The following LAMC1 variants were observed in gnomAD, a reference collection of about 807,000 sequenced individuals.
LAMC1 encodes laminin subunit gamma 1, also known as laminin subunit gamma-1.
Under a neutral mutation model 173.6 loss-of-function variants are expected in LAMC1, and 38 were observed. The observed-to-expected ratio is 0.22, with a 90% CI of 0.17 to 0.29. The LOEUF is 0.29. Among genes scored for constraint, LAMC1 ranks in the 10% least tolerant of loss-of-function variants. The pLI is 1.00. For synonymous variants in LAMC1, 746 were observed against 749.1 expected, an observed-to-expected ratio of 1.00 and a Z score of 0.07; for missense variants, 1,824 against 2,051.8, an observed-to-expected ratio of 0.89 and a Z score of 2.14.
At chr1:183,142,409 C>G (rs917821971) in intron 27 of LAMC1, 125 bp from the exon 28 acceptor site, 2 of 969,664 alleles carry the variant, frequency 2.1e-6, no homozygotes, top group Non-Finnish European at 3.0e-6. Flanking sequence ...ATCTGCAAGT[C>G]ACATTTGCCG....
intron 1 of LAMC1, among the ~76,000 whole-genome samples, chr1:183,032,812 ATTGT>A (rs983310927): frequency 7.2e-5 from 11 of 152,068 alleles, no homozygotes; most frequent in African/African-American, 1.7e-4. Context: ...AACCAGAATG[ATTGT>A]TTGTGGCAGT....
chr1:183,137,014 C>A (rs889783955), intron 25 of LAMC1, among the ~76,000 whole-genome samples: 1 of 152,128 alleles, frequency 6.6e-6, no homozygotes, highest in Non-Finnish European at 1.5e-5. Context: ...GAGAGACTTC[C>A]CATAGCTGCC....
In LAMC1 at chr1:183,062,889, G is replaced by C. The variant is rs140360620; in HGVS notation, c.418+38755G>C. Among the ~76,000 whole-genome samples, 1,125 of 152,264 alleles carry C rather than the reference G, an allele frequency of 7.4e-3. 7 individuals are homozygous for C. The highest frequency in any genetic ancestry group is 0.027 in the Middle Eastern group (8 of 294). On this transcript the variant is annotated intron_variant, in intron 1 of 27. Transcript: ENST00000258341. ...GAATTGTTTGAACCCAGGAGGCAGA[G>C]TTGCAGTGAGTCAGCATCACACCAC...
rs971059742 is a variant in LAMC1, at chr1:183,113,860, A to G, written c.1022-671A>G. On this transcript the variant is annotated intron_variant, in intron 4 of 27. Coordinates refer to ENST00000258341, the MANE Select transcript of LAMC1 (RefSeq NM_002293.4). ...GCACTTTGTTTTTGGAGTTGATACT[A>G]GAATAAAGGCTAAAGATTCAGGAGA... is the stretch of plus-strand genomic sequence containing the variant. 4.6e-5 allele frequency among the ~76,000 whole-genome samples: 7 copies of G among 152,242 alleles called. No individual in the cohort carries two copies. In the South Asian group the frequency reaches 1.0e-3, roughly 23 times the overall value.
chr1:183,053,066 A>G (rs1051069622), intron 1 of LAMC1, among the ~76,000 whole-genome samples: 1 of 152,170 alleles, frequency 6.6e-6, no homozygotes, highest in Admixed American at 6.5e-5. Flanking sequence ...TTTCCTGTCC[A>G]AGGAGGGAGA....
chr1:183,121,545 T>G (rs1299362952), intron 11 of LAMC1, among the ~76,000 whole-genome samples, 178 bp from the exon 12 acceptor site: 3 of 152,232 alleles, frequency 2.0e-5, no homozygotes, highest in African/African-American at 7.2e-5. Context: ...TGCTGTTTTC[T>G]AATTCTCTTC....
intron 14 of LAMC1, 94 bp from the exon 15 acceptor site, chr1:183,125,303 A>C: frequency 7.2e-7 from 1 of 1,386,538 alleles, no homozygotes; most frequent in Non-Finnish European, 1.0e-6. Flanking sequence ...CCAACCTGGC[A>C]ACACAGGTCT....
Position 183,108,393 on chromosome 1 carries a change from G to C in LAMC1, c.841G>C (p.Ala281Pro). The C allele has an allele frequency of 6.2e-7, 1 of 1,612,592 alleles. No individual in the cohort carries two copies. The highest frequency in any genetic ancestry group is 8.5e-7 in the Non-Finnish European group (1 of 1,179,162). Residue 281 changes from alanine to proline, a missense_variant, in exon 3 of 28, where the codon GCT (alanine) becomes CCT (proline). Physicochemically the swap from Ala to Pro is conservative, Grantham distance 27. Transcript: ENST00000258341. Reference protein sequence around the residue: ...KSYYYAISDFAVGGRCKCNGH... With the variant: ...KSYYYAISDFPVGGRCKCNGH... ...CTATTATTATGCCATCTCTGATTTTGCTGTAGGTGGCAGGTAAGTAAACTA... is the reference window on the plus strand; with the variant it reads ...CTATTATTATGCCATCTCTGATTTTCCTGTAGGTGGCAGGTAAGTAAACTA...
At chr1:183,070,366 C>T (rs72729410) in intron 1 of LAMC1, among the ~76,000 whole-genome samples, 12 of 152,238 alleles carry the variant, frequency 7.9e-5, no homozygotes, top group Non-Finnish European at 1.6e-4. Flanking sequence ...AGAGCTGAAC[C>T]TCTTCTGCTG....
intron 1 of LAMC1, among the ~76,000 whole-genome samples, chr1:183,036,396 CTTTTTTTT>C (rs768370901): frequency 5.2e-5 from 5 of 96,594 alleles, no homozygotes; most frequent in Non-Finnish European, 1.0e-4. Flanking sequence ...CCACGCCAGT[CTTTTTTTT>C]TTTTTTTTTT....
chr1:183,126,215 A>G lies in LAMC1; in HGVS notation c.2897A>G (p.Glu966Gly). The G allele has an allele frequency of 6.2e-6, 10 of 1,614,162 alleles. No individual in the cohort carries two copies. The highest frequency in any genetic ancestry group is 1.6e-4 in the Middle Eastern group (1 of 6,062). The change falls in exon 16 of 28, where the codon GAG (glutamate) becomes GGG (glycine). Residue 966 changes from glutamate to glycine, a missense_variant. Transcript: ENST00000258341. ...CQPGITGQHCERCEVNHFGFG... is the reference protein window; with the variant it reads ...CQPGITGQHCGRCEVNHFGFG... Reference sequence around the variant, plus strand: ...CCCGGCATCACTGGTCAGCACTGTGAGCGCTGTGAGGTCAACCACTTTGGG... The same window carrying G: ...CCCGGCATCACTGGTCAGCACTGTGGGCGCTGTGAGGTCAACCACTTTGGG...
rs1371994032 is a variant in LAMC1, at chr1:183,122,057, A to C, written c.2213-6A>C. On this transcript the variant is annotated splice_region_variant and splice_polypyrimidine_tract_variant and intron_variant, in intron 12 of 27. Transcript: ENST00000258341. ...GCCTGTTTTCTCACGCCTGCCTTCC[A>C]AATAGGTGTTTGTAACTGCAGAGAC... The C allele has an allele frequency of 2.5e-6, 4 of 1,612,054 alleles. No individual in the cohort carries two copies. The highest frequency in any genetic ancestry group is 3.4e-6 in the Non-Finnish European group (4 of 1,178,360).
chr1:183,110,481 T>G lies in LAMC1; in HGVS notation c.855-7T>G. ...TCCATTTTTTGGAGTATCTCTTCTCTCCCCAGATGTAAATGTAATGGACAC... is the reference window on the plus strand; with the variant it reads ...TCCATTTTTTGGAGTATCTCTTCTCGCCCCAGATGTAAATGTAATGGACAC... On this transcript the variant is annotated splice_polypyrimidine_tract_variant and splice_region_variant and intron_variant, in intron 3 of 27. Transcript: ENST00000258341. 6.3e-7 allele frequency: 1 copy of G among 1,599,908 alleles called. No homozygotes were observed. Among genetic ancestry groups the G allele is most frequent in the Non-Finnish European group, 8.5e-7 (1 of 1,170,292 alleles).
rs139510086 is a variant in LAMC1, at chr1:183,130,193, A to T, written c.3281-151A>T. The T allele has an allele frequency of 3.6e-3, 2,378 of 654,436 alleles. 8 individuals are homozygous for T. The highest frequency in any genetic ancestry group is 5.5e-3 in the Non-Finnish European group (2,056 of 376,394). The allele number at this position is 654,436 out of a possible 1,614,324, so 40.5% of individuals were successfully genotyped here. On this transcript the variant is annotated intron_variant, in intron 18 of 27. Coordinates refer to ENST00000258341, the MANE Select transcript of LAMC1 (RefSeq NM_002293.4). Reference sequence around the variant, plus strand: ...GTGAAGGACCTACTGGGTGTGGTAAAGGCTGTCCAGCTATGGCAGGGGCTT... The same window carrying T: ...GTGAAGGACCTACTGGGTGTGGTAATGGCTGTCCAGCTATGGCAGGGGCTT...
chr1:183,039,172 A>G (rs1654060973), intron 1 of LAMC1, among the ~76,000 whole-genome samples: 1 of 149,698 alleles, frequency 6.7e-6, no homozygotes, highest in Non-Finnish European at 1.5e-5. Context: ...ATTCTGGATC[A>G]TGATCTGATA....
intron 15 of LAMC1, 152 bp downstream of exon 15, chr1:183,125,702 G>A (rs554481179): frequency 3.3e-6 from 2 of 610,682 alleles, no homozygotes; most frequent in African/African-American, 1.9e-5. Context: ...CTGGAGAATT[G>A]TAATAAAGCT....
intron 13 of LAMC1, among the ~76,000 whole-genome samples, chr1:183,123,904 A>G (rs997109826): frequency 6.6e-6 from 1 of 152,192 alleles, no homozygotes; most frequent in Non-Finnish European, 1.5e-5. Flanking sequence ...TTCAGGCCCT[A>G]CTGGTTACAA....
At position 183,134,713 on chromosome 1, in the gene LAMC1, C is replaced by T. The variant is rs141160447; in HGVS notation, c.3903C>T (p.Asp1301=). 9.9e-5 allele frequency: 159 copies of T among 1,612,718 alleles called. No homozygotes were observed. In the African/African-American group the frequency reaches 1.7e-3, roughly 17 times the overall value. Residue 1301 remains aspartate (D), a synonymous_variant, in exon 23 of 28, where the codon GAC becomes GAT. Coordinates refer to ENST00000258341, the MANE Select transcript of LAMC1 (RefSeq NM_002293.4). ...MEAENLEQLI[D]QKLKDYEDLR... ...CTGAGAATCTGGAACAACTGATTGA[C>T]CAGAAATTAAAAGATTATGAGGACC...
intron 27 of LAMC1, 181 bp downstream of exon 27, chr1:183,140,684 T>C (rs1471147922): frequency 5.1e-6 from 2 of 388,484 alleles, no homozygotes; most frequent in Non-Finnish European, 9.1e-6. Context: ...CCTTATAAAA[T>C]AAATGTTTGT....
Sources: allele counts gnomAD v4.1 joint callset (sites outside exome capture counted in the v4.1 genomes callset), GRCh38; gene constraint gnomAD v4.1.1; transcripts MANE v1.5; gene names NCBI Gene and HGNC (gene_info 2026-07-23, HGNC 2026-07-21).